The following ERO1A variants were observed in gnomAD, a reference collection of about 807,000 sequenced individuals.
ERO1A encodes ERO1-like protein alpha.
In ERO1A, 49 loss-of-function variants were observed where a neutral mutation model predicts 76.9. The ratio of observed to expected loss-of-function variants is 0.64; its 90% CI spans 0.51 to 0.81. The LOEUF (loss-of-function observed/expected upper bound fraction) is 0.81, where lower values mean the gene tolerates loss of function less well. ERO1A is among the 30% of genes least tolerant of loss of function. The pLI is 0.00. For synonymous variants in ERO1A, 174 were observed against 181.2 expected (o/e 0.96, Z 0.32); for missense variants, 448 against 542.1 (o/e 0.83, Z 1.72).
At chr14:52,656,687 G>T (rs2040058122) in intron 11 of ERO1A, among the ~76,000 whole-genome samples, 1 of 147,480 alleles carries the variant, frequency 6.8e-6, no homozygotes, top group African/African-American at 2.5e-5. Context: ...ACTCCAGCCT[G>T]GGTGACAGAA....
chr14:52,659,352 T>A (rs377178629), intron 9 of ERO1A, among the ~76,000 whole-genome samples: 15 of 152,248 alleles, frequency 9.9e-5, no homozygotes, highest in African/African-American at 3.6e-4. Flanking sequence ...AATATGATCA[T>A]CTTTAATGCT....
intron 1 of ERO1A, among the ~76,000 whole-genome samples, chr14:52,691,366 A>C (rs536741667): frequency 6.6e-6 from 1 of 152,286 alleles, no homozygotes; most frequent in Non-Finnish European, 1.5e-5. Context: ...CGAAACTTTA[A>C]ATTGTCAAAT....
chr14:52,678,905 C>G (rs1393133458), intron 3 of ERO1A, among the ~76,000 whole-genome samples: 1 of 152,126 alleles, frequency 6.6e-6, no homozygotes, highest in Non-Finnish European at 1.5e-5. Context: ...GTCATGGAGA[C>G]AGATCTCTCA....
intron 15 of ERO1A, among the ~76,000 whole-genome samples, chr14:52,644,201 C>T (rs2039567401): frequency 6.6e-6 from 1 of 152,040 alleles, no homozygotes; most frequent in Non-Finnish European, 1.5e-5. Flanking sequence ...TGTCTGTAAT[C>T]CCAGCGCTTT....
At chr14:52,686,616 G>A (rs981750937) in intron 1 of ERO1A, among the ~76,000 whole-genome samples, 2 of 152,190 alleles carry the variant, frequency 1.3e-5, no homozygotes, top group Non-Finnish European at 2.9e-5. Flanking sequence ...AGTGGCTCAC[G>A]CCTGTAATCC....
chr14:52,648,996 T>C (rs2039764117), intron 13 of ERO1A, among the ~76,000 whole-genome samples: 1 of 152,060 alleles, frequency 6.6e-6, no homozygotes, highest in Non-Finnish European at 1.5e-5. Context: ...CAGGAGAAAA[T>C]CCTTGTGACT....
At chr14:52,692,883 T>G (rs568250762) in intron 1 of ERO1A, among the ~76,000 whole-genome samples, 78 of 152,078 alleles carry the variant, frequency 5.1e-4, no homozygotes, top group African/African-American at 1.8e-3. Context: ...TTTCTCTGCA[T>G]GTCTATTCAT....
At chr14:52,673,618 C>G (rs535861294) in intron 4 of ERO1A, among the ~76,000 whole-genome samples, 1 of 152,210 alleles carries the variant, frequency 6.6e-6, no homozygotes, top group Admixed American at 6.5e-5. Flanking sequence ...TGATAATAGA[C>G]AGCAAAGTAA....
chr14:52,651,794 T>G (rs529094179), intron 13 of ERO1A, among the ~76,000 whole-genome samples: 1 of 152,148 alleles, frequency 6.6e-6, no homozygotes, highest in East Asian at 1.9e-4. Context: ...ATTTTTTGTA[T>G]AGTGGAAACC....
At position 52,685,254 on chromosome 14, in the gene ERO1A, C is replaced by A. The variant is rs545876583; in HGVS notation, c.115-1347G>T. Among the ~76,000 whole-genome samples, 57 of 152,204 alleles carry A rather than the reference C, an allele frequency of 3.7e-4. 1 individual carries two copies. Among genetic ancestry groups the A allele is most frequent in the Middle Eastern group, 3.4e-3 (1 of 294 alleles). On this transcript the variant is annotated intron_variant, in intron 1 of 15. Coordinates refer to ENST00000395686, the MANE Select transcript of ERO1A (RefSeq NM_014584.3). ...TGACAACAGCAATATTCAAGAAGAA[C>A]TTTTTACTGCTTTTCCCACTCTTAC...
intron 1 of ERO1A, among the ~76,000 whole-genome samples, chr14:52,692,651 C>T (rs747102060): frequency 6.6e-6 from 1 of 152,162 alleles, no homozygotes; most frequent in Non-Finnish European, 1.5e-5. Context: ...GTGCCTCCCA[C>T]GAATCCCCAA....
At chr14:52,663,378 T>A (rs1409279062) in intron 8 of ERO1A, among the ~76,000 whole-genome samples, 1 of 151,986 alleles carries the variant, frequency 6.6e-6, no homozygotes, top group Non-Finnish European at 1.5e-5. Flanking sequence ...GGCGGGTGGA[T>A]CATGAGGTCA....
chr14:52,659,109 T>G (rs1372495204), intron 9 of ERO1A, among the ~76,000 whole-genome samples: 1 of 152,088 alleles, frequency 6.6e-6, no homozygotes. Context: ...CTCAGTAAAA[T>G]GTATGTTGCA....
At chr14:52,678,583 G>A in intron 3 of ERO1A, 111 bp from the exon 4 acceptor site, 1 of 954,820 alleles carries the variant, frequency 1.0e-6, no homozygotes, top group South Asian at 1.5e-5. Flanking sequence ...TATCGAAGTT[G>A]GATTTTTTAA....
intron 15 of ERO1A, among the ~76,000 whole-genome samples, chr14:52,644,451 T>A (rs967116458): frequency 6.6e-6 from 1 of 152,164 alleles, no homozygotes; most frequent in Non-Finnish European, 1.5e-5. Context: ...ATGAGATACA[T>A]AAATATTAAA....
intron 6 of ERO1A, among the ~76,000 whole-genome samples, chr14:52,669,950 T>G (rs1199599652): frequency 6.6e-6 from 1 of 152,154 alleles, no homozygotes; most frequent in African/African-American, 2.4e-5. Context: ...TGAGAAAGGG[T>G]CTCACTCTGT....
At chr14:52,648,794 G>C (rs941261867) in intron 13 of ERO1A, among the ~76,000 whole-genome samples, 3 of 152,164 alleles carry the variant, frequency 2.0e-5, no homozygotes, top group South Asian at 2.1e-4. Flanking sequence ...GACAGCTCTT[G>C]AGTAAGTCTT....
At position 52,646,479 on chromosome 14, in the gene ERO1A, A is replaced by C; in HGVS notation, c.1126-18T>G. On this transcript the variant is annotated intron_variant, in intron 13 of 15. Transcript: ENST00000395686. ...AAGTCCTCCTGAAAACAATTTAACA[A>C]GATTTTATTAAGATGTAATATACAG... is the stretch of plus-strand genomic sequence containing the variant. 6.4e-7 allele frequency: 1 copy of C among 1,569,850 alleles called. No individual in the cohort carries two copies. Among genetic ancestry groups the C allele is most frequent in the Non-Finnish European group, 8.7e-7 (1 of 1,146,540 alleles).
At chr14:52,694,617 A>C (rs746879298) in intron 1 of ERO1A, among the ~76,000 whole-genome samples, 4 of 152,096 alleles carry the variant, frequency 2.6e-5, no homozygotes, top group Non-Finnish European at 5.9e-5. Context: ...GAAATACTAG[A>C]TACTGAAGAT....
Sources: allele counts gnomAD v4.1 joint callset (sites outside exome capture counted in the v4.1 genomes callset), GRCh38; gene constraint gnomAD v4.1.1; transcripts MANE v1.5; gene names NCBI Gene and HGNC (gene_info 2026-07-23, HGNC 2026-07-21).